Variants in MBNL3 observed in about 807,000 individuals in gnomAD.
MBNL3 encodes muscleblind like splicing regulator 3, also known as muscleblind-like protein 3.
MBNL3 carries 6 observed loss-of-function variants against 24.5 expected under a neutral mutation model. That is an observed-to-expected ratio of 0.25 (90% confidence interval 0.13 to 0.48). The LOEUF is 0.48. Ranked by LOEUF, MBNL3 falls within the 20% of genes least tolerant of loss-of-function variation. The pLI is 0.99. For synonymous variants in MBNL3, 100 were observed against 101.7 expected (o/e 0.98, Z 0.10); for missense variants, 230 against 293.5 (o/e 0.78, Z 1.58).
intron 1 of MBNL3, among the ~76,000 whole-genome samples, chrX:132,472,952 G>A (rs943669614): frequency 9.0e-6 from 1 of 111,503 alleles, no homozygotes; most frequent in Non-Finnish European, 1.9e-5. Flanking sequence ...ATTCCTATGA[G>A]GTGTAGCTAA....
intron 3 of MBNL3, among the ~76,000 whole-genome samples, chrX:132,396,096 AT>A (rs1938174599): frequency 1.8e-5 from 2 of 109,232 alleles, no homozygotes; most frequent in Admixed American, 2.0e-4. Context: ...CCATCCACAA[AT>A]TTCATTGTGC....
At chrX:132,456,009 A>G (rs777411526) in intron 1 of MBNL3, among the ~76,000 whole-genome samples, 5 of 111,900 alleles carry the variant, frequency 4.5e-5, no homozygotes, top group East Asian at 2.8e-4. Context: ...CAGCTTTTCT[A>G]TCATACTCTA....
intron 2 of MBNL3, among the ~76,000 whole-genome samples, chrX:132,423,654 C>A (rs1944032811): frequency 9.0e-6 from 1 of 111,505 alleles, no homozygotes; most frequent in South Asian, 3.8e-4. Flanking sequence ...ACATCTCATA[C>A]AACCCTTTCT....
At chrX:132,452,326 C>T (rs1178168792) in intron 1 of MBNL3, among the ~76,000 whole-genome samples, 1 of 112,505 alleles carries the variant, frequency 8.9e-6, no homozygotes, top group Admixed American at 9.4e-5. Flanking sequence ...CAACAGGAAG[C>T]TTGACACATT....
intron 3 of MBNL3, among the ~76,000 whole-genome samples, chrX:132,404,201 C>T (rs1287437039): frequency 1.8e-5 from 2 of 112,014 alleles, no homozygotes; most frequent in African/African-American, 3.2e-5. Flanking sequence ...AATCATCACA[C>T]GCTGTACACT....
chrX:132,483,198 C>T (rs760243166), intron 1 of MBNL3, among the ~76,000 whole-genome samples: 2 of 111,681 alleles, frequency 1.8e-5, no homozygotes, highest in Non-Finnish European at 3.8e-5. Flanking sequence ...ATCAATGTAC[C>T]CTTTAACAAA....
At chrX:132,430,385 C>A (rs1379519160) in intron 2 of MBNL3, 2 of 111,226 alleles carry the variant, frequency 1.8e-5, no homozygotes, top group Non-Finnish European at 3.8e-5. Flanking sequence ...AACAAGAGAT[C>A]TTATTTGAAT....
At chrX:132,383,265 A>C (rs1304828152) in intron 7 of MBNL3, among the ~76,000 whole-genome samples, 1 of 112,429 alleles carries the variant, frequency 8.9e-6, no homozygotes, top group Non-Finnish European at 1.9e-5. Flanking sequence ...ATAGAAACTG[A>C]AAATGTACCC....
intron 1 of MBNL3, among the ~76,000 whole-genome samples, chrX:132,461,243 G>C (rs931514569): frequency 1.8e-5 from 2 of 111,393 alleles, no homozygotes; most frequent in African/African-American, 6.5e-5. Context: ...AAGGTACAGA[G>C]AGATACACTT....
At chrX:132,401,080 AC>A (rs1940829505) in intron 3 of MBNL3, among the ~76,000 whole-genome samples, 1 of 111,890 alleles carries the variant, frequency 8.9e-6, no homozygotes, top group Admixed American at 9.5e-5. Context: ...TTCTGTACTG[AC>A]CATGAGACTG....
intron 5 of MBNL3, among the ~76,000 whole-genome samples, chrX:132,389,167 A>G (rs1184441955): frequency 8.9e-6 from 1 of 112,288 alleles, no homozygotes; most frequent in East Asian, 2.8e-4. Context: ...AGACAAAAAG[A>G]ATTTGGTAAA....
intron 1 of MBNL3, among the ~76,000 whole-genome samples, chrX:132,459,421 A>G (rs1398572224): frequency 1.8e-5 from 2 of 111,394 alleles, no homozygotes; most frequent in African/African-American, 3.3e-5. Flanking sequence ...AAGGTCTTAT[A>G]GGATTATGGA....
chrX:132,485,687 T>A (rs1253432638), intron 1 of MBNL3, among the ~76,000 whole-genome samples: 1 of 112,398 alleles, frequency 8.9e-6, no homozygotes, highest in Non-Finnish European at 1.9e-5. Flanking sequence ...TAATTTATGT[T>A]TGTTTGCTGG....
chrX:132,396,773 C>CATATATATATTCATATATACAT (rs1569425634), intron 3 of MBNL3, among the ~76,000 whole-genome samples: 28 of 649 alleles, frequency 0.043, no homozygotes, highest in Non-Finnish European at 0.068. Context: ...TTCATATATA[C>CATATATATATTCATATATACAT]ATATATATAT....
intron 4 of MBNL3, among the ~76,000 whole-genome samples, 168 bp from the exon 5 acceptor site, chrX:132,391,251 G>A (rs1412521752): frequency 8.9e-6 from 1 of 111,840 alleles, no homozygotes; most frequent in Admixed American, 9.5e-5. Flanking sequence ...TATTCACTAT[G>A]AGATATAAAC....
chrX:132,489,860 C>G (rs981416971), upstream of MBNL3: 1 of 111,443 alleles, frequency 9.0e-6, no homozygotes, highest in Admixed American at 9.3e-5. Flanking sequence ...CGGCCAAGGG[C>G]CGCCCCGGCT....
At chrX:132,386,602 C>T in intron 6 of MBNL3, 59 bp downstream of exon 6, 1 of 1,169,633 alleles carries the variant, frequency 8.5e-7, no homozygotes, top group South Asian at 1.9e-5. Flanking sequence ...AGCTGTTTTG[C>T]ATTGTATACA....
At chrX:132,396,313 C>G (rs1365003390) in intron 3 of MBNL3, among the ~76,000 whole-genome samples, 2 of 85,838 alleles carry the variant, frequency 2.3e-5, no homozygotes, top group Non-Finnish European at 4.3e-5. Context: ...AGTAAAGCAC[C>G]AAATATATAT....
chrX:132,467,429 T>C (rs750495731), intron 1 of MBNL3, among the ~76,000 whole-genome samples: 9 of 112,333 alleles, frequency 8.0e-5, no homozygotes, highest in South Asian at 3.7e-4. Flanking sequence ...CCAACTTAAC[T>C]GCTTGTGCAT....
Sources: allele counts gnomAD v4.1 joint callset (sites outside exome capture counted in the v4.1 genomes callset), GRCh38; gene constraint gnomAD v4.1.1; transcripts MANE v1.5; gene names NCBI Gene and HGNC (gene_info 2026-07-23, HGNC 2026-07-21).